Variants in ZNF804B observed in about 807,000 individuals in gnomAD.
ZNF804B encodes zinc finger 804B.
A neutral mutation model predicts 101.4 loss-of-function variants in ZNF804B; 80 were observed. The ratio of observed to expected loss-of-function variants is 0.79; its 90% CI spans 0.66 to 0.95. The LOEUF is 0.95. Among genes scored for constraint, ZNF804B ranks in the 40% least tolerant of loss-of-function variants. The probability of loss-of-function intolerance (pLI) is 0.00; values close to 1 mark genes in which losing one functional copy is unlikely to be tolerated. For missense variants in ZNF804B, 1,673 were observed against 1,561.9 expected (o/e 1.07, Z -1.20); for synonymous variants, 622 against 558.8 (o/e 1.11, Z -1.59).
intron 1 of ZNF804B, among the ~76,000 whole-genome samples, chr7:89,189,071 A>T (rs1261041086): frequency 6.6e-6 from 1 of 152,116 alleles, no homozygotes; most frequent in Non-Finnish European, 1.5e-5. Context: ...CTAACAGGGG[A>T]TAATGTGGCT....
chr7:89,202,229 T>TTTTGATTTGA (rs1375265049), intron 1 of ZNF804B, among the ~76,000 whole-genome samples: 1 of 152,138 alleles, frequency 6.6e-6, no homozygotes, highest in African/African-American at 2.4e-5. Context: ...TTCTTTTATC[T>TTTTGATTTGA]TTTGATTTGA....
intron 1 of ZNF804B, among the ~76,000 whole-genome samples, chr7:88,849,498 T>C (rs1289868020): frequency 6.6e-6 from 1 of 151,450 alleles, no homozygotes; most frequent in East Asian, 1.9e-4. Flanking sequence ...TAAAAGGTAT[T>C]TTTTTATTTT....
intron 1 of ZNF804B, among the ~76,000 whole-genome samples, chr7:88,895,401 G>A (rs1792270351): frequency 6.6e-6 from 1 of 152,150 alleles, no homozygotes; most frequent in Non-Finnish European, 1.5e-5. Context: ...ATGACTTCAT[G>A]TTTAGCTTAA....
intron 1 of ZNF804B, among the ~76,000 whole-genome samples, chr7:88,956,304 A>G (rs915306202): frequency 2.6e-5 from 4 of 151,606 alleles, no homozygotes; most frequent in African/African-American, 7.2e-5. Context: ...TTGCACCACT[A>G]TTAACAATTG....
chr7:89,262,064 G>A (rs1206574439), intron 2 of ZNF804B, among the ~76,000 whole-genome samples: 5 of 152,150 alleles, frequency 3.3e-5, no homozygotes, highest in Non-Finnish European at 5.9e-5. Flanking sequence ...ATTTTAAAGA[G>A]GGAGCTTTAG....
chr7:89,022,281 A>T (rs1244620495), intron 1 of ZNF804B, among the ~76,000 whole-genome samples: 2 of 152,016 alleles, frequency 1.3e-5, no homozygotes, highest in South Asian at 2.1e-4. Flanking sequence ...TCTTATGGGG[A>T]GGATGAGTGT....
intron 1 of ZNF804B, among the ~76,000 whole-genome samples, chr7:89,015,140 A>G (rs1174912658): frequency 6.6e-6 from 1 of 152,156 alleles, no homozygotes; most frequent in Non-Finnish European, 1.5e-5. Context: ...CACCTTTGTC[A>G]AAAGTTAGTT....
chr7:89,056,076 A>G (rs1789290272), intron 1 of ZNF804B, among the ~76,000 whole-genome samples: 1 of 152,124 alleles, frequency 6.6e-6, no homozygotes, highest in Admixed American at 6.6e-5. Flanking sequence ...GAGATGCAAG[A>G]CAAGGTTAGA....
intron 1 of ZNF804B, among the ~76,000 whole-genome samples, chr7:88,964,890 T>A (rs1299388477): frequency 6.6e-6 from 1 of 151,364 alleles, no homozygotes; most frequent in Non-Finnish European, 1.5e-5. Flanking sequence ...AACAATTATA[T>A]AAAGCTTCTT....
At chr7:88,763,983 AAT>A (rs1789941182) in intron 1 of ZNF804B, among the ~76,000 whole-genome samples, 1 of 152,160 alleles carries the variant, frequency 6.6e-6, no homozygotes, top group East Asian at 1.9e-4. Flanking sequence ...CTTAATCAGT[AAT>A]TAAGCTATTC....
intron 1 of ZNF804B, among the ~76,000 whole-genome samples, chr7:89,154,911 T>C (rs2116410722): frequency 6.6e-6 from 1 of 152,214 alleles, no homozygotes; most frequent in East Asian, 1.9e-4. Context: ...ACAGGATTTT[T>C]TGTAACACAA....
intron 1 of ZNF804B, among the ~76,000 whole-genome samples, chr7:89,127,705 A>T (rs1790494129): frequency 6.6e-6 from 1 of 151,660 alleles, no homozygotes; most frequent in African/African-American, 2.4e-5. Context: ...CACACAATTC[A>T]CATATAAATC....
chr7:88,812,796 C>T (rs1583952282), intron 1 of ZNF804B, among the ~76,000 whole-genome samples: 1 of 151,756 alleles, frequency 6.6e-6, no homozygotes, highest in Non-Finnish European at 1.5e-5. Context: ...AAGCCAGTCA[C>T]ACACACACAC....
At chr7:88,781,036 T>C (rs945268553) in intron 1 of ZNF804B, among the ~76,000 whole-genome samples, 13 of 152,174 alleles carry the variant, frequency 8.5e-5, no homozygotes, top group Non-Finnish European at 4.4e-5. Flanking sequence ...GCAACACATT[T>C]CTTGTTAGAA....
chr7:89,233,111 A>G (rs1285931881), intron 2 of ZNF804B, among the ~76,000 whole-genome samples: 3 of 151,748 alleles, frequency 2.0e-5, no homozygotes, highest in Non-Finnish European at 2.9e-5. Flanking sequence ...TATTTTTAGT[A>G]GAGACGGGGT....
intron 2 of ZNF804B, among the ~76,000 whole-genome samples, chr7:89,229,285 C>T (rs888957500): frequency 3.9e-5 from 6 of 152,180 alleles, no homozygotes; most frequent in African/African-American, 1.4e-4. Flanking sequence ...CACGCTGTCA[C>T]CTCTCAATAG....
At chr7:89,077,051 G>C (rs567069634) in intron 1 of ZNF804B, among the ~76,000 whole-genome samples, 2 of 152,364 alleles carry the variant, frequency 1.3e-5, no homozygotes, top group South Asian at 4.1e-4. Context: ...GACTGAAGTT[G>C]AGGGAGAATG....
At chr7:89,046,112 G>A (rs1789101184) in intron 1 of ZNF804B, among the ~76,000 whole-genome samples, 1 of 151,732 alleles carries the variant, frequency 6.6e-6, no homozygotes. Flanking sequence ...ATTTTACAAG[G>A]GGCTTTTTCC....
At chr7:88,923,004 C>G (rs1792744007) in intron 1 of ZNF804B, among the ~76,000 whole-genome samples, 1 of 151,990 alleles carries the variant, frequency 6.6e-6, no homozygotes, top group Non-Finnish European at 1.5e-5. Context: ...CAAAATAACT[C>G]ATAGAGAAGC....
Sources: gnomAD v4.1 joint callset for allele counts (sites outside exome capture counted in the v4.1 genomes callset) on GRCh38, gnomAD v4.1.1 for gene constraint, MANE v1.5 for transcripts, NCBI Gene and HGNC (gene_info 2026-07-23, HGNC 2026-07-21) for gene names.